The following CA8 variants were observed in gnomAD, a reference collection of about 807,000 sequenced individuals.
The protein encoded by CA8 is carbonic anhydrase-related protein.
A neutral mutation model predicts 41.4 loss-of-function variants in CA8; 22 were observed. The observed-to-expected ratio is 0.53, with a 90% confidence interval of 0.38 to 0.76. The LOEUF (loss-of-function observed/expected upper bound fraction) is 0.76. CA8 is among the 30% of genes least tolerant of loss of function. The pLI, the probability that CA8 is intolerant of heterozygous loss-of-function variation, is 0.00. For synonymous variants in CA8, 121 were observed against 130.6 expected (o/e 0.93, Z 0.50); for missense variants, 270 against 352.8 (o/e 0.77, Z 1.88).
intron 4 of CA8, among the ~76,000 whole-genome samples, chr8:60,229,249 A>G (rs1391015860): frequency 2.6e-5 from 4 of 151,092 alleles, no homozygotes; most frequent in Admixed American, 1.3e-4. Flanking sequence ...TTCTGCCAAC[A>G]TCTCCCACCA....
chr8:60,257,794 T>C (rs1194100679), intron 3 of CA8, among the ~76,000 whole-genome samples: 2 of 152,236 alleles, frequency 1.3e-5, no homozygotes, highest in Non-Finnish European at 2.9e-5. Flanking sequence ...TTTTGTGTGG[T>C]TGACAGTCAT....
chr8:60,279,598 A>G lies in CA8; in HGVS notation c.292+91T>C, dbSNP rs1804343503. 9.9e-6 allele frequency: 11 copies of G among 1,115,810 alleles called. No homozygotes were observed. In the South Asian group the frequency reaches 1.4e-4, roughly 14 times the overall value. 69.1% of individuals were successfully genotyped at this position (1,115,810 alleles called of 1,614,324 possible). On this transcript the variant is annotated intron_variant, in intron 2 of 8. Coordinates refer to ENST00000317995, the MANE Select transcript of CA8 (RefSeq NM_004056.6). ...CTGAAAATAGAGATACGTCAGTTGTACTTTTTAAATTGTGCAAGTTAAATC... is the reference window on the plus strand; with the variant it reads ...CTGAAAATAGAGATACGTCAGTTGTGCTTTTTAAATTGTGCAAGTTAAATC...
At chr8:60,268,210 A>G (rs997083136) in intron 2 of CA8, among the ~76,000 whole-genome samples, 2 of 152,224 alleles carry the variant, frequency 1.3e-5, no homozygotes, top group African/African-American at 4.8e-5. Flanking sequence ...AAGGAAAAAG[A>G]AAGAGGAGTG....
intron 8 of CA8, among the ~76,000 whole-genome samples, chr8:60,190,667 C>T (rs1806094389): frequency 6.7e-6 from 1 of 149,726 alleles, no homozygotes; most frequent in Admixed American, 6.7e-5. Context: ...ATTTAGAATG[C>T]ATATACTTTT....
chr8:60,211,295 G>A (rs972766600), intron 7 of CA8, among the ~76,000 whole-genome samples: 6 of 152,156 alleles, frequency 3.9e-5, no homozygotes, highest in African/African-American at 1.4e-4. Context: ...TCAGCACTTT[G>A]AGATAAATAT....
At chr8:60,256,502 A>T (rs1370934389) in intron 3 of CA8, among the ~76,000 whole-genome samples, 1 of 152,202 alleles carries the variant, frequency 6.6e-6, no homozygotes, top group Non-Finnish European at 1.5e-5. Context: ...TAAAAGAGAA[A>T]ATGTATTCAA....
intron 3 of CA8, among the ~76,000 whole-genome samples, chr8:60,242,490 C>T (rs1293439361): frequency 3.3e-5 from 5 of 152,136 alleles, no homozygotes; most frequent in African/African-American, 7.2e-5. Context: ...AAAGACAGAG[C>T]GGGGTACACT....
intron 3 of CA8, among the ~76,000 whole-genome samples, chr8:60,247,269 T>C (rs1203530050): frequency 4.0e-5 from 6 of 149,432 alleles, no homozygotes; most frequent in South Asian, 4.1e-4. Flanking sequence ...TGTGCAGGAT[T>C]GTTACATAGG....
Position 60,232,339 on chromosome 8 carries a change from A to G in CA8, c.458T>C (p.Ile153Thr), listed in dbSNP as rs1227908245. The change falls in exon 4 of 9, where the codon ATT (isoleucine) becomes ACT (threonine). Residue 153 changes from isoleucine to threonine, a missense_variant. Coordinates refer to ENST00000317995, the MANE Select transcript of CA8 (RefSeq NM_004056.6). ...IHWNSTLFGS[I>T]DEAVGKPHGI... Reference sequence around the variant, plus strand: ...GTGCGGCTTCCCCACAGCCTCATCAATGCTGCCAAACAGAGTGGAGTTCCA... The same window carrying G: ...GTGCGGCTTCCCCACAGCCTCATCAGTGCTGCCAAACAGAGTGGAGTTCCA... 4 of 1,614,126 alleles carry G rather than the reference A, an allele frequency of 2.5e-6. No individual in the cohort carries two copies. In the South Asian group the frequency reaches 4.4e-5, roughly 18 times the overall value.
intron 8 of CA8, among the ~76,000 whole-genome samples, chr8:60,198,363 A>G (rs533579262): frequency 6.6e-6 from 1 of 152,174 alleles, no homozygotes; most frequent in African/African-American, 2.4e-5. Context: ...TCACTCACTA[A>G]TATGTGTAAC....
At chr8:60,258,279 G>T (rs13267008) in intron 3 of CA8, among the ~76,000 whole-genome samples, 77,026 of 152,080 alleles carry the variant, frequency 0.51, 21,541 homozygotes, top group African/African-American at 0.77. Context: ...TTCTGTTTTA[G>T]TATTGGTTCT....
chr8:60,190,340 T>C (rs1344238793), intron 8 of CA8, among the ~76,000 whole-genome samples: 1 of 149,728 alleles, frequency 6.7e-6, no homozygotes, highest in Non-Finnish European at 1.5e-5. Flanking sequence ...CATATAATAA[T>C]CACAGATGGA....
chr8:60,192,937 GCA>G (rs377257462), intron 8 of CA8, among the ~76,000 whole-genome samples: 38,272 of 140,478 alleles, frequency 0.27, 5,649 homozygotes, highest in Non-Finnish European at 0.36. Context: ...TCAACATCAT[GCA>G]CACACACACA....
At chr8:60,245,291 T>G (rs962801029) in intron 3 of CA8, among the ~76,000 whole-genome samples, 28 of 152,052 alleles carry the variant, frequency 1.8e-4, no homozygotes, top group African/African-American at 4.8e-4. Flanking sequence ...AAAAAAATTA[T>G]CTTAAGTGGA....
At position 60,185,726 on chromosome 8, in the gene CA8, A is replaced by T. The variant is rs896279879; in HGVS notation, c.*4295T>A. ...AAAACTATCTCAAAGAAGGTAAAAT[A>T]AAGATAGCCCATATAAACAAAAACT... is the stretch of plus-strand genomic sequence containing the variant. On this transcript the variant is annotated 3_prime_UTR_variant, in exon 9 of 9. Transcript: ENST00000317995. Among the ~76,000 whole-genome samples the T allele has an allele frequency of 7.7e-4, 117 of 152,272 alleles. No individual in the cohort carries two copies. The highest frequency in any genetic ancestry group is 2.6e-3 in the African/African-American group (106 of 41,562).
intron 2 of CA8, among the ~76,000 whole-genome samples, chr8:60,269,782 T>C (rs918745499): frequency 3.9e-5 from 6 of 152,194 alleles, no homozygotes; most frequent in African/African-American, 1.4e-4. Flanking sequence ...AGCCTTGGTG[T>C]TGACTGGGCA....
intron 3 of CA8, chr8:60,232,733 T>C (rs1401186755): frequency 1.3e-5 from 4 of 318,300 alleles, no homozygotes; most frequent in South Asian, 3.3e-5. Context: ...GCACAAACAC[T>C]AGAACTCATT....
intron 3 of CA8, among the ~76,000 whole-genome samples, chr8:60,242,637 A>G (rs943201604): frequency 6.8e-6 from 1 of 147,272 alleles, no homozygotes; most frequent in African/African-American, 2.7e-5. Flanking sequence ...GGTGTTAGTG[A>G]GCACTCTCAC....
chr8:60,223,962 A>G (rs556462571), intron 6 of CA8, among the ~76,000 whole-genome samples: 71 of 152,388 alleles, frequency 4.7e-4, no homozygotes, highest in African/African-American at 1.7e-3. Context: ...GGAATAATAC[A>G]TAATAATAGT....
Sources: allele counts gnomAD v4.1 joint callset (sites outside exome capture counted in the v4.1 genomes callset), GRCh38; gene constraint gnomAD v4.1.1; transcripts MANE v1.5; gene names NCBI Gene and HGNC (gene_info 2026-07-23, HGNC 2026-07-21).